DLG2: variants seen among roughly 807,000 people sequenced by gnomAD.
DLG2 encodes the protein discs large MAGUK scaffold protein 2, also known as disks large homolog 2.
DLG2 carries 45 observed loss-of-function variants against 132.5 expected under a neutral mutation model. The ratio of observed to expected loss-of-function variants is 0.34; its 90% CI spans 0.27 to 0.44. The LOEUF is 0.44. Among genes scored for constraint, DLG2 ranks in the 20% least tolerant of loss-of-function variants. DLG2 has a pLI of 1.00. For missense variants in DLG2, 1,045 were observed against 1,196.9 expected (o/e 0.87, Z 1.87); for synonymous variants, 424 against 419.6 (o/e 1.01, Z -0.13).
At chr11:85,403,154 A>G (rs1398691886) in intron 3 of DLG2, among the ~76,000 whole-genome samples, 1 of 152,228 alleles carries the variant, frequency 6.6e-6, no homozygotes, top group Non-Finnish European at 1.5e-5. Context: ...ATGGAATACT[A>G]TGCAGCCATA....
chr11:84,739,388 A>G (rs967118712), intron 6 of DLG2, among the ~76,000 whole-genome samples: 1 of 152,154 alleles, frequency 6.6e-6, no homozygotes, highest in Non-Finnish European at 1.5e-5. Flanking sequence ...ATGACTCCCT[A>G]CTTTGTTAGA....
At chr11:85,363,907 C>G (rs1291713266) in intron 3 of DLG2, among the ~76,000 whole-genome samples, 1 of 152,116 alleles carries the variant, frequency 6.6e-6, no homozygotes, top group African/African-American at 2.4e-5. Flanking sequence ...AGCATCATTT[C>G]TCATATGGTT....
chr11:85,462,359 T>G (rs1350667925), intron 3 of DLG2, among the ~76,000 whole-genome samples: 2 of 152,232 alleles, frequency 1.3e-5, no homozygotes, highest in Non-Finnish European at 2.9e-5. Flanking sequence ...CACATATGTT[T>G]ATTGTGGCAC....
chr11:84,661,424 A>G (rs1362999099), intron 6 of DLG2, among the ~76,000 whole-genome samples: 1 of 152,162 alleles, frequency 6.6e-6, no homozygotes, highest in African/African-American at 2.4e-5. Context: ...TCCTCTGAAC[A>G]ACAGCTTCCT....
intron 3 of DLG2, among the ~76,000 whole-genome samples, chr11:85,332,639 G>T (rs550541040): frequency 6.6e-6 from 1 of 152,260 alleles, no homozygotes; most frequent in South Asian, 2.1e-4. Context: ...TGTATATGGT[G>T]AAAGGAAGGG....
At chr11:85,567,642 T>C (rs2077600472) in intron 3 of DLG2, among the ~76,000 whole-genome samples, 1 of 152,166 alleles carries the variant, frequency 6.6e-6, no homozygotes, top group Non-Finnish European at 1.5e-5. Flanking sequence ...TTTTCCTAGC[T>C]GGAATTTCCA....
intron 6 of DLG2, among the ~76,000 whole-genome samples, chr11:84,947,796 T>A (rs1030542820): frequency 8.5e-5 from 13 of 152,264 alleles, no homozygotes; most frequent in Non-Finnish European, 1.6e-4. Flanking sequence ...TTGCCCATTC[T>A]CTCTGTGTAA....
intron 6 of DLG2, among the ~76,000 whole-genome samples, chr11:85,064,909 T>C (rs1566771389): frequency 6.6e-6 from 1 of 151,536 alleles, no homozygotes; most frequent in Non-Finnish European, 1.5e-5. Flanking sequence ...TCTCTCTTTC[T>C]CTCCTTCCCC....
At position 83,456,237 on chromosome 11, in the gene DLG2, C is replaced by G. The variant is rs1345977404; in HGVS notation, c.*3581G>C. 1 of 152,868 alleles carries G rather than the reference C, an allele frequency of 6.5e-6. No homozygotes were observed. The highest frequency in any genetic ancestry group is 1.5e-5 in the Non-Finnish European group (1 of 68,220). 9.5% of individuals were successfully genotyped at this position (152,868 alleles called of 1,614,324 possible). ...GGAGCAGTGTTCAGGCAGAGGCACT[C>G]AGGCGCCGGCAGGGCCCACAGCACA... On this transcript the variant is annotated 3_prime_UTR_variant, in exon 28 of 28. Coordinates refer to ENST00000376104, the MANE Select transcript of DLG2 (RefSeq NM_001142699.3).
At chr11:84,885,362 C>G (rs1039691991) in intron 6 of DLG2, among the ~76,000 whole-genome samples, 1 of 151,994 alleles carries the variant, frequency 6.6e-6, no homozygotes, top group Non-Finnish European at 1.5e-5. Context: ...GAGATGGGGT[C>G]TTGCTCTGTC....
chr11:85,134,248 C>T (rs1340258074), intron 5 of DLG2, among the ~76,000 whole-genome samples: 1 of 151,162 alleles, frequency 6.6e-6, no homozygotes, highest in East Asian at 1.9e-4. Context: ...CTACTAACCA[C>T]CACCCTCTTT....
At chr11:85,104,044 A>C (rs2071305106) in intron 6 of DLG2, among the ~76,000 whole-genome samples, 1 of 151,978 alleles carries the variant, frequency 6.6e-6, no homozygotes, top group African/African-American at 2.4e-5. Context: ...GTTATAATAC[A>C]AAAGATAGGT....
chr11:84,750,949 T>C (rs1014262445), intron 6 of DLG2, among the ~76,000 whole-genome samples: 1 of 152,164 alleles, frequency 6.6e-6, no homozygotes, highest in African/African-American at 2.4e-5. Context: ...GCTTATAAGA[T>C]TGAAATCAGG....
intron 6 of DLG2, among the ~76,000 whole-genome samples, chr11:84,830,398 C>A (rs1599121545): frequency 2.8e-5 from 4 of 145,138 alleles, no homozygotes; most frequent in Admixed American, 7.0e-5. Flanking sequence ...AGTGGAGGAA[C>A]TTAAAGGAAC....
At chr11:84,662,215 G>A (rs1595151877) in intron 6 of DLG2, among the ~76,000 whole-genome samples, 1 of 132,020 alleles carries the variant, frequency 7.6e-6, no homozygotes, top group African/African-American at 2.8e-5. Context: ...TTTTTGAGAT[G>A]GAGTTTCACT....
At chr11:84,357,679 T>C (rs1231301214) in intron 7 of DLG2, among the ~76,000 whole-genome samples, 4 of 152,048 alleles carry the variant, frequency 2.6e-5, no homozygotes, top group Admixed American at 2.6e-4. Context: ...AAAAACTGAA[T>C]TTCACACAGT....
chr11:84,085,934 A>T (rs2096971718), intron 10 of DLG2, among the ~76,000 whole-genome samples: 2 of 152,206 alleles, frequency 1.3e-5, no homozygotes, highest in African/African-American at 4.8e-5. Context: ...ATTGTAAAGC[A>T]TATCAATAAT....
chr11:83,972,933 T>C (rs2154167829), intron 12 of DLG2, among the ~76,000 whole-genome samples: 1 of 152,210 alleles, frequency 6.6e-6, no homozygotes, highest in East Asian at 1.9e-4. Context: ...TCTTCCTTCA[T>C]TAATCATTAA....
chr11:85,526,717 G>T lies in DLG2; in HGVS notation c.40+71940C>A, dbSNP rs180957740. ...GGATGTGTCTGTGAGGATGTTTCTG[G>T]AAGAGATTAGCATTTGAATCAGTAG... On this transcript the variant is annotated intron_variant, in intron 3 of 27. Transcript: ENST00000376104. Among the ~76,000 whole-genome samples, 42 of 152,212 alleles carry T rather than the reference G, an allele frequency of 2.8e-4. No individual in the cohort carries two copies. The East Asian group carries it at 5.8e-3, about 21-fold the overall frequency.
Sources: allele counts gnomAD v4.1 joint callset (sites outside exome capture counted in the v4.1 genomes callset), GRCh38; gene constraint gnomAD v4.1.1; transcripts MANE v1.5; gene names NCBI Gene and HGNC (gene_info 2026-07-23, HGNC 2026-07-21).